Variants in AXDND1 observed in about 807,000 individuals in gnomAD.
AXDND1 encodes the protein axonemal dynein light chain domain containing 1, also known as axonemal dynein light chain domain-containing protein 1.
AXDND1 carries 110 observed loss-of-function variants against 137.5 expected under a neutral mutation model. That is an observed-to-expected ratio of 0.80 (90% CI 0.69 to 0.94). The LOEUF is 0.94. Among genes scored for constraint, AXDND1 ranks in the 40% least tolerant of loss-of-function variants. AXDND1 has a pLI of 0.00. For missense variants in AXDND1, 1,191 were observed against 1,169.8 expected (o/e 1.02, Z -0.26); for synonymous variants, 414 against 399.7 (o/e 1.04, Z -0.43).
intron 25 of AXDND1, among the ~76,000 whole-genome samples, chr1:179,542,795 T>C (rs1672284937): frequency 6.6e-6 from 1 of 152,138 alleles, no homozygotes; most frequent in South Asian, 2.1e-4. Context: ...ATAAAGTTAG[T>C]CCCCAGCCTG....
At chr1:179,487,678 A>G (rs9787115) in intron 18 of AXDND1, among the ~76,000 whole-genome samples, 124,385 of 147,466 alleles carry the variant, frequency 0.84, 54,363 homozygotes, top group East Asian at 0.9. Context: ...ATACATCATT[A>G]GAATGATAAT....
At chr1:179,534,640 A>T in intron 24 of AXDND1, 90 bp from the exon 25 acceptor site, 1 of 1,473,678 alleles carries the variant, frequency 6.8e-7, no homozygotes, top group African/African-American at 1.4e-5. Context: ...ACATTCATCT[A>T]ATCTCACTGC....
At chr1:179,473,552 GA>G (rs1664233499) in intron 17 of AXDND1, among the ~76,000 whole-genome samples, 1 of 152,116 alleles carries the variant, frequency 6.6e-6, no homozygotes. Context: ...GTGACATATA[GA>G]TATACTTCTA....
intron 25 of AXDND1, among the ~76,000 whole-genome samples, chr1:179,547,488 G>T (rs1407560230): frequency 6.6e-6 from 1 of 152,190 alleles, no homozygotes; most frequent in Non-Finnish European, 1.5e-5. Context: ...AGCAAAGAAC[G>T]TGTAAGGCAG....
chr1:179,542,554 ATCT>A (rs1478074106), intron 25 of AXDND1, among the ~76,000 whole-genome samples: 2 of 152,212 alleles, frequency 1.3e-5, no homozygotes, highest in Non-Finnish European at 2.9e-5. Flanking sequence ...TTAAAATTTC[ATCT>A]TCTTATATTC....
rs1442856036 is a variant in AXDND1 at position 179,385,373 on chromosome 1, T to C, written c.863+14T>C. 1.9e-6 allele frequency: 3 copies of C among 1,613,928 alleles called. No individual in the cohort carries two copies. The highest frequency in any genetic ancestry group is 1.7e-5 in the Admixed American group (1 of 59,974). On this transcript the variant is annotated intron_variant, in intron 9 of 25. Transcript: ENST00000367618. The stretch of plus-strand genomic sequence containing the variant: ...GTCTAAAGTCAGGTTAGTGCTGTTA[T>C]TGGAATGGTCCAGTTTCCTTTTGAT...
intron 21 of AXDND1, among the ~76,000 whole-genome samples, chr1:179,522,250 A>G (rs147942367): frequency 7.9e-5 from 12 of 152,244 alleles, no homozygotes; most frequent in East Asian, 1.9e-4. Context: ...TTGCCCTCCA[A>G]TTGAATTTCA....
chr1:179,435,496 T>C (rs1340216611), intron 15 of AXDND1, among the ~76,000 whole-genome samples: 1 of 152,120 alleles, frequency 6.6e-6, no homozygotes, highest in Admixed American at 6.6e-5. Context: ...AACAGACATA[T>C]AGACCAATGG....
At chr1:179,454,768 T>C (rs1661057331) in intron 16 of AXDND1, 2 of 152,136 alleles carry the variant, frequency 1.3e-5, no homozygotes, top group Admixed American at 1.3e-4. Flanking sequence ...TCAACAGGCA[T>C]GTCAGGAATG....
At chr1:179,425,808 GT>G (rs1335230841) in intron 12 of AXDND1, among the ~76,000 whole-genome samples, 1 of 149,754 alleles carries the variant, frequency 6.7e-6, no homozygotes. Context: ...GTGTGTGTGT[GT>G]GTGTAAAGAG....
chr1:179,418,627 C>T (rs558414644), intron 12 of AXDND1, among the ~76,000 whole-genome samples: 16 of 148,830 alleles, frequency 1.1e-4, no homozygotes, highest in African/African-American at 2.5e-4. Flanking sequence ...GGCTGACCCC[C>T]GCACCTCCCT....
intron 14 of AXDND1, among the ~76,000 whole-genome samples, chr1:179,430,863 C>G (rs1657265693): frequency 6.6e-6 from 1 of 152,192 alleles, no homozygotes; most frequent in Non-Finnish European, 1.5e-5. Flanking sequence ...TTTTTCTTTT[C>G]TCTCTTTTTG....
chr1:179,511,455 T>C (rs1669058290), intron 21 of AXDND1, among the ~76,000 whole-genome samples: 1 of 151,358 alleles, frequency 6.6e-6, no homozygotes, highest in South Asian at 2.1e-4. Context: ...TTTTATCCAC[T>C]TGTTGATTGA....
At chr1:179,536,517 G>A (rs530715065) in intron 25 of AXDND1, among the ~76,000 whole-genome samples, 1 of 152,274 alleles carries the variant, frequency 6.6e-6, no homozygotes, top group Admixed American at 6.5e-5. Context: ...AGATCAGATG[G>A]TTGTAAATGT....
At chr1:179,459,734 CCTTT>C (rs1255822786) in intron 16 of AXDND1, among the ~76,000 whole-genome samples, 3 of 106,390 alleles carry the variant, frequency 2.8e-5, no homozygotes, top group Admixed American at 9.3e-5. Flanking sequence ...TTCCTTCCTT[CCTTT>C]TTTCCTTCCT....
intron 11 of AXDND1, among the ~76,000 whole-genome samples, chr1:179,400,922 A>AAAAAAG (rs1558124774): frequency 9.1e-5 from 13 of 142,184 alleles, no homozygotes; most frequent in African/African-American, 3.5e-4. Context: ...AAAAAAAAAA[A>AAAAAAG]AAAAAGAAAA....
intron 12 of AXDND1, among the ~76,000 whole-genome samples, chr1:179,425,396 T>C (rs2125289505): frequency 6.6e-6 from 1 of 152,334 alleles, no homozygotes; most frequent in East Asian, 1.9e-4. Context: ...GTGCTGTTGA[T>C]AACCCTCTCT....
chr1:179,424,562 G>A (rs1218906686), intron 12 of AXDND1, among the ~76,000 whole-genome samples: 2 of 151,582 alleles, frequency 1.3e-5, no homozygotes, highest in African/African-American at 4.9e-5. Context: ...TGAGTAGCTG[G>A]GATTACAGGC....
rs75970943 is a variant in AXDND1, at chr1:179,379,490, C to G, written c.581+8C>G. 3.6e-3 allele frequency: 5,798 copies of G among 1,609,258 alleles called. 121 individuals are homozygous for G. The African/African-American group carries it at 0.061, about 17-fold the overall frequency. ...TTTGGAGTGTTATGATGAGTGAGTA[C>G]TATGATATGTAAAAAATACCTGCCC... On this transcript the variant is annotated splice_region_variant and intron_variant, in intron 6 of 25. Coordinates refer to ENST00000367618, the MANE Select transcript of AXDND1 (RefSeq NM_144696.6).
Sources: gnomAD v4.1 joint callset for allele counts (sites outside exome capture counted in the v4.1 genomes callset) on GRCh38, gnomAD v4.1.1 for gene constraint, MANE v1.5 for transcripts, NCBI Gene and HGNC (gene_info 2026-07-23, HGNC 2026-07-21) for gene names.